DIP2A: variants seen among roughly 807,000 people sequenced by gnomAD.
DIP2A encodes disco-interacting protein 2 homolog A.
In DIP2A, 85 loss-of-function variants were observed where a neutral mutation model predicts 177.4. The ratio of observed to expected loss-of-function variants is 0.48; its 90% confidence interval spans 0.40 to 0.57. DIP2A has a LOEUF of 0.57. Among genes scored for constraint, DIP2A ranks in the 20% least tolerant of loss-of-function variants. The pLI is 0.00. For missense variants in DIP2A, 1,791 were observed against 2,100.2 expected, an observed-to-expected ratio of 0.85 and a Z score of 2.88; for synonymous variants, 886 against 881.8, an observed-to-expected ratio of 1.00 and a Z score of -0.08.
At chr21:46,514,278 A>T (rs914971280) in intron 8 of DIP2A, among the ~76,000 whole-genome samples, 1 of 152,072 alleles carries the variant, frequency 6.6e-6, no homozygotes, top group Admixed American at 6.5e-5. Context: ...ACTAAAAAAA[A>T]TACAAAAATT....
chr21:46,528,527 C>CATTTTTTTTTTTTTTTTT (rs2059207496), intron 8 of DIP2A, among the ~76,000 whole-genome samples: 2 of 29,380 alleles, frequency 6.8e-5, no homozygotes, highest in African/African-American at 3.1e-4. Context: ...TTTCTGCTTG[C>CATTTTTTTTTTTTTTTTT]TTTTTTTTTT....
chr21:46,572,955 T>C (rs1242764978), downstream of DIP2A, among the ~76,000 whole-genome samples: 1 of 152,146 alleles, frequency 6.6e-6, no homozygotes, highest in Non-Finnish European at 1.5e-5. Flanking sequence ...CCAGGAGCAA[T>C]AGGCTATATC....
chr21:46,482,050 AAAAAACAAAAAC>A (rs896071836), intron 1 of DIP2A, among the ~76,000 whole-genome samples: 10 of 152,194 alleles, frequency 6.6e-5, no homozygotes. Flanking sequence ...CTCCGTCTCA[AAAAAACAAAAAC>A]AAAAACAAAA....
At chr21:46,575,656 C>CAATA in the DIP2A span, among the ~76,000 whole-genome samples, 1 of 151,970 alleles carries the variant, frequency 6.6e-6, no homozygotes, top group Non-Finnish European at 1.5e-5. Flanking sequence ...ATTCCATTGA[C>CAATA]AATAGCATCA....
chr21:46,556,011 G>C lies in DIP2A; in HGVS notation c.3418G>C (p.Val1140Leu). ...CATCCCAAAAAAGAAGATAGCAAGC[G>C]TTTTCAGGCCCCCCTCCCCCGATGT... ...DDIPKKKIAS[V>L]FRPPSPDVLA... Residue 1140 changes from valine to leucine, a missense_variant, in exon 29 of 38, where the codon GTT becomes CTT. Coordinates refer to ENST00000417564, the MANE Select transcript of DIP2A (RefSeq NM_015151.4). The surrounding 1 kb of genome is among the most constrained non-coding windows in gnomAD (Gnocchi z 4.5). 1 of 1,613,848 alleles carries C rather than the reference G, an allele frequency of 6.2e-7. No individual in the cohort carries two copies. Among genetic ancestry groups the C allele is most frequent in the Non-Finnish European group, 8.5e-7 (1 of 1,179,812 alleles).
chr21:46,466,537 T>C (rs184660835), intron 1 of DIP2A, among the ~76,000 whole-genome samples: 9 of 151,892 alleles, frequency 5.9e-5, no homozygotes, highest in Non-Finnish European at 1.0e-4. Context: ...TTAGTAGAGA[T>C]TGGGTTTCAC....
intron 5 of DIP2A, among the ~76,000 whole-genome samples, chr21:46,503,526 A>T (rs991333906): frequency 1.2e-4 from 18 of 151,822 alleles, no homozygotes; most frequent in African/African-American, 4.1e-4. Flanking sequence ...AAAATGTACC[A>T]GTGACAATTG....
chr21:46,509,286 A>G lies in DIP2A; in HGVS notation c.814A>G (p.Lys272Glu). The G allele has an allele frequency of 6.2e-7, 1 of 1,613,656 alleles. No individual in the cohort carries two copies. Among genetic ancestry groups the G allele is most frequent in the Non-Finnish European group, 8.5e-7 (1 of 1,179,740 alleles). The change falls in exon 7 of 38, where the codon AAA becomes GAA. Residue 272 changes from lysine (K) to glutamate (E), a missense_variant. Lys to Glu is a moderately conservative substitution (Grantham distance 56). Transcript: ENST00000417564. ...CCCTGTGAACAGCAGAGTGTCCTCC[A>G]AAATCCAGCAGCTTCTGAACACCCT... ...GVPVNSRVSS[K>E]IQQLLNTLKR...
intron 1 of DIP2A, among the ~76,000 whole-genome samples, chr21:46,460,728 CTGT>C (rs2054219291): frequency 6.6e-6 from 1 of 151,506 alleles, no homozygotes; most frequent in Non-Finnish European, 1.5e-5. Flanking sequence ...GAGTCTTGCT[CTGT>C]TGCCCAGGCT....
intron 12 of DIP2A, 42 bp from the exon 13 acceptor site, chr21:46,534,543 C>G (rs777928444): frequency 6.3e-7 from 1 of 1,576,126 alleles, no homozygotes; most frequent in South Asian, 1.1e-5. Flanking sequence ...GTTGTCACCT[C>G]TAGAAATACC....
chr21:46,575,423 T>A, the DIP2A span, among the ~76,000 whole-genome samples: 1 of 152,208 alleles, frequency 6.6e-6, no homozygotes, highest in South Asian at 2.1e-4. Context: ...TGGAAGCTCT[T>A]AGAGCAATTA....
At position 46,479,672 on chromosome 21, in the gene DIP2A, A is replaced by G. The variant is rs546371787; in HGVS notation, c.92-5085A>G. ...TCCCTAGTAGCTTAGGACTATAGGCATGTGCCACCACAGCCAGCTAATTGG... is the reference window on the plus strand; with the variant it reads ...TCCCTAGTAGCTTAGGACTATAGGCGTGTGCCACCACAGCCAGCTAATTGG... On this transcript the variant is annotated intron_variant, in intron 1 of 37. Transcript: ENST00000417564. Among the ~76,000 whole-genome samples, 4 of 152,276 alleles carry G rather than the reference A, an allele frequency of 2.6e-5. No homozygotes were observed. In the South Asian group the frequency reaches 8.3e-4, roughly 32 times the overall value.
chr21:46,507,007 C>T (rs953799489), intron 6 of DIP2A, among the ~76,000 whole-genome samples: 1 of 151,856 alleles, frequency 6.6e-6, no homozygotes, highest in African/African-American at 2.4e-5. Context: ...GTCTTGAACT[C>T]CTCGTCTCTG....
chr21:46,576,148 A>G, the DIP2A span, among the ~76,000 whole-genome samples: 112,272 of 152,072 alleles, frequency 0.74, 42,017 homozygotes, highest in African/African-American at 0.86. Flanking sequence ...TTTAAGTTCT[A>G]GGGTACATGT....
chr21:46,540,413 C>T (rs947690726), intron 17 of DIP2A, among the ~76,000 whole-genome samples: 1 of 152,142 alleles, frequency 6.6e-6, no homozygotes, highest in Admixed American at 6.5e-5. Flanking sequence ...GAGGCCTGTG[C>T]TGCTCCTGTG....
At chr21:46,492,663 C>G (rs2057082626) in intron 3 of DIP2A, among the ~76,000 whole-genome samples, 1 of 152,054 alleles carries the variant, frequency 6.6e-6, no homozygotes, top group African/African-American at 2.4e-5. Flanking sequence ...GATCGGTGCC[C>G]TTATAAGAAG....
chr21:46,549,963 T>C lies in DIP2A; in HGVS notation c.2637+78T>C, dbSNP rs1327999759. On this transcript the variant is annotated intron_variant, in intron 22 of 37. Coordinates refer to ENST00000417564, the MANE Select transcript of DIP2A (RefSeq NM_015151.4). ...CCACTCCACTCCAAGTGCCAAGTGG[T>C]TGGCTTGTCCCGCCCGGTCCTCCCT... 3.1e-6 allele frequency: 5 copies of C among 1,592,158 alleles called. No homozygotes were observed. The South Asian group carries it at 5.5e-5, about 18-fold the overall frequency.
In DIP2A at chr21:46,511,634, A is replaced by G; in HGVS notation, c.1102+20A>G. 6.6e-7 allele frequency: 1 copy of G among 1,511,272 alleles called. No individual in the cohort carries two copies. Among genetic ancestry groups the G allele is most frequent in the South Asian group, 1.3e-5 (1 of 74,740 alleles). The allele number at this position is 1,511,272 out of a possible 1,614,324, so 93.6% of individuals were successfully genotyped here. ...CCTATGGCAAGTGTTAACAGAAAGC[A>G]GTTGTGCTTCTGGGTTAGCTGTAGA... is the stretch of plus-strand genomic sequence containing the variant. On this transcript the variant is annotated intron_variant, in intron 8 of 37. Transcript: ENST00000417564.
rs1336981125 is a variant in DIP2A, at chr21:46,538,577, G to A, written c.1896G>A (p.Leu632=). Residue 632 remains leucine (L), a synonymous_variant, in exon 16 of 38, where the codon CTG becomes CTA. Transcript: ENST00000417564. Reference sequence around the variant, plus strand: ...TCAGCCTCAGCTCACTGCGCATGCTGATTGTGGCCGATGGTGCCAACCCGT... The same window carrying A: ...TCAGCCTCAGCTCACTGCGCATGCTAATTGTGGCCGATGGTGCCAACCCGT... ...RDVSLSSLRM[L]IVADGANPWS... 3.2e-6 allele frequency: 5 copies of A among 1,557,622 alleles called. No homozygotes were observed. Among genetic ancestry groups the A allele is most frequent in the Admixed American group, 3.8e-5 (2 of 52,410 alleles).
Sources: gnomAD v4.1 joint callset for allele counts (sites outside exome capture counted in the v4.1 genomes callset) on GRCh38, gnomAD v4.1.1 for gene constraint, Gnocchi (gnomAD v3.1) non-coding constraint, MANE v1.5 for transcripts, NCBI Gene and HGNC (gene_info 2026-07-23, HGNC 2026-07-21) for gene names.